Variants in EDNRB observed in about 807,000 individuals in gnomAD.
The protein encoded by EDNRB is Hirschsprung disease 2.
In EDNRB, 18 loss-of-function variants were observed where a neutral mutation model predicts 46.4. That is an observed-to-expected ratio of 0.39 (90% CI 0.27 to 0.57). EDNRB has a LOEUF of 0.57. Ranked by LOEUF, EDNRB falls within the 20% of genes least tolerant of loss-of-function variation. EDNRB has a pLI of 0.61. For missense variants in EDNRB, 434 were observed against 537.5 expected, an observed-to-expected ratio of 0.81 and a Z score of 1.90; for synonymous variants, 213 against 204.9, an observed-to-expected ratio of 1.04 and a Z score of -0.34.
At chr13:77,907,671 G>T (rs1879348782) in intron 1 of EDNRB, among the ~76,000 whole-genome samples, 1 of 151,848 alleles carries the variant, frequency 6.6e-6, no homozygotes, top group East Asian at 1.9e-4. Flanking sequence ...TTCCAAATAT[G>T]TTAATATTGT....
intron 1 of EDNRB, among the ~76,000 whole-genome samples, chr13:77,975,012 C>T (rs1594407585): frequency 6.6e-6 from 1 of 152,216 alleles, no homozygotes; most frequent in African/African-American, 2.4e-5. Flanking sequence ...GTAAAAAGGG[C>T]ACACACACAC....
chr13:77,919,164 G>C (rs1040787682), upstream of EDNRB: 1 of 562,806 alleles, frequency 1.8e-6, no homozygotes, highest in East Asian at 3.4e-5. Flanking sequence ...GAGTGCGCCG[G>C]AGATTCGGAA....
intron 1 of EDNRB, among the ~76,000 whole-genome samples, chr13:77,917,098 G>T (rs748686823): frequency 6.6e-6 from 1 of 152,048 alleles, no homozygotes; most frequent in Non-Finnish European, 1.5e-5. Flanking sequence ...GTTAACTACC[G>T]AAACCCTTAC....
At chr13:77,900,987 T>C (rs111265922) in intron 4 of EDNRB, 71 bp downstream of exon 4, 3 of 1,562,186 alleles carry the variant, frequency 1.9e-6, no homozygotes, top group African/African-American at 1.4e-5. Flanking sequence ...TTTATCATCA[T>C]CATCATCATA....
chr13:77,918,890 G>C (rs1236151431), upstream of EDNRB: 43 of 1,248,990 alleles, frequency 3.4e-5, no homozygotes, highest in Non-Finnish European at 4.3e-5. The surrounding 1 kb of genome is among the most constrained non-coding windows in gnomAD (Gnocchi z 4.5). Flanking sequence ...TCTGGAAGGG[G>C]TGTGCCAGGG....
intron 1 of EDNRB, among the ~76,000 whole-genome samples, chr13:77,916,202 C>A (rs527647725): frequency 3.3e-5 from 5 of 152,304 alleles, no homozygotes; most frequent in Admixed American, 6.5e-5. Flanking sequence ...GCCAACCTAG[C>A]AAAACTAGAT....
intron 1 of EDNRB, among the ~76,000 whole-genome samples, chr13:77,970,056 GA>G (rs1373342379): frequency 6.6e-6 from 1 of 152,180 alleles, no homozygotes; most frequent in Non-Finnish European, 1.5e-5. Flanking sequence ...AAAATTCCAA[GA>G]TTTTTTAGGA....
At chr13:77,911,526 A>G (rs1879572028) in intron 1 of EDNRB, among the ~76,000 whole-genome samples, 1 of 152,110 alleles carries the variant, frequency 6.6e-6, no homozygotes, top group African/African-American at 2.4e-5. Flanking sequence ...AAGTGGGGAA[A>G]AGACACAGGT....
intron 1 of EDNRB, among the ~76,000 whole-genome samples, chr13:77,917,814 A>G (rs1000317596): frequency 1.3e-5 from 2 of 152,228 alleles, no homozygotes; most frequent in African/African-American, 4.8e-5. Flanking sequence ...CCAAGTTCCC[A>G]AAGTGATACT....
intron 1 of EDNRB, among the ~76,000 whole-genome samples, chr13:77,950,656 A>G (rs56282572): frequency 0.037 from 5,676 of 152,318 alleles, 347 homozygotes; most frequent in African/African-American, 0.13. Context: ...ATGCTCGAAC[A>G]TATGGTATTT....
At chr13:77,908,827 A>G (rs1405714450) in intron 1 of EDNRB, among the ~76,000 whole-genome samples, 2 of 151,990 alleles carry the variant, frequency 1.3e-5, no homozygotes, top group South Asian at 2.1e-4. Context: ...TATTGACACT[A>G]TGTCGCTTCC....
At chr13:77,973,135 G>A (rs1440247509) in intron 1 of EDNRB, among the ~76,000 whole-genome samples, 2 of 152,114 alleles carry the variant, frequency 1.3e-5, no homozygotes, top group African/African-American at 4.8e-5. Context: ...TTAAATGTGG[G>A]GACCTTGGCA....
At chr13:77,958,661 A>G (rs1881310863) in intron 1 of EDNRB, among the ~76,000 whole-genome samples, 1 of 152,228 alleles carries the variant, frequency 6.6e-6, no homozygotes, top group Admixed American at 6.5e-5. Context: ...GGCGTGAGCC[A>G]CTGCCCCCAG....
At chr13:77,900,478 G>C in intron 5 of EDNRB, 43 bp downstream of exon 5, 1 of 1,610,400 alleles carries the variant, frequency 6.2e-7, no homozygotes, top group South Asian at 1.1e-5. Flanking sequence ...ACACTTCTGA[G>C]TGGCATTTAT....
At chr13:77,966,467 T>G (rs1881585678) in intron 1 of EDNRB, among the ~76,000 whole-genome samples, 1 of 152,224 alleles carries the variant, frequency 6.6e-6, no homozygotes, top group South Asian at 2.1e-4. Context: ...AAATCCTAAA[T>G]AAATGTGTCT....
chr13:77,922,890 G>C (rs1042986384), upstream of EDNRB, among the ~76,000 whole-genome samples: 2 of 152,038 alleles, frequency 1.3e-5, no homozygotes, highest in South Asian at 2.1e-4. Context: ...TTTTAGATTT[G>C]GACGCTATTC....
rs771234695 is a variant in EDNRB, at chr13:77,918,097, G to T, written c.477C>A (p.Val159=). Residue 159 remains valine (V), a synonymous_variant, in exon 1 of 7, where the codon GTC becomes GTA. Transcript: ENST00000646607. This position sits in a 1 kb window ranked among gnomAD's most constrained non-coding sequence, Gnocchi z 4.5. ...TTCAGCAGGCGCCCTTTACCTTGTA[G>T]ACATTGATAGGGATGTCAATGACGA... is the stretch of plus-strand genomic sequence containing the variant. ...LHIVIDIPIN[V]YKLLAEDWPF... The T allele has an allele frequency of 6.2e-7, 1 of 1,614,014 alleles. No homozygotes were observed. Among genetic ancestry groups the T allele is most frequent in the African/African-American group, 1.3e-5 (1 of 74,892 alleles).
intron 3 of EDNRB, 51 bp from the exon 4 acceptor site, chr13:77,901,258 T>A: frequency 6.3e-7 from 1 of 1,585,136 alleles, no homozygotes; most frequent in Non-Finnish European, 8.6e-7. Context: ...TAAGAAAATC[T>A]TATATAACAA....
At chr13:77,974,851 A>T (rs1245825192) in intron 1 of EDNRB, among the ~76,000 whole-genome samples, 1 of 152,078 alleles carries the variant, frequency 6.6e-6, no homozygotes, top group Non-Finnish European at 1.5e-5. Context: ...TAAAGTTCTA[A>T]GTTTTCCTGG....
Sources: gnomAD v4.1 joint callset for allele counts (sites outside exome capture counted in the v4.1 genomes callset) on GRCh38, gnomAD v4.1.1 for gene constraint, Gnocchi (gnomAD v3.1) non-coding constraint, MANE v1.5 for transcripts, NCBI Gene and HGNC (gene_info 2026-07-23, HGNC 2026-07-21) for gene names.